The following RBM20 variants were observed in gnomAD, a reference collection of about 807,000 sequenced individuals.
RBM20 encodes the protein RNA binding motif protein 20.
A neutral mutation model predicts 110.1 loss-of-function variants in RBM20; 51 were observed. The ratio of observed to expected loss-of-function variants is 0.46; its 90% confidence interval spans 0.37 to 0.59. The LOEUF (loss-of-function observed/expected upper bound fraction) is 0.59, where lower values mean the gene tolerates loss of function less well. RBM20 is among the 20% of genes least tolerant of loss of function. The pLI, the probability that RBM20 is intolerant of heterozygous loss-of-function variation, is 0.00. For missense variants in RBM20, 1,512 were observed against 1,574.9 expected, an observed-to-expected ratio of 0.96 and a Z score of 0.68; for synonymous variants, 589 against 618.2, an observed-to-expected ratio of 0.95 and a Z score of 0.70.
At position 110,838,947 on chromosome 10, in the gene RBM20, A is replaced by G. The variant is rs1022384420; in HGVS notation, c.*2969A>G. ...CTATGTGTGCCACACACAATGCAGT[A>G]TTAATGGCAACCAGGTAAATATTGA... On this transcript the variant is annotated 3_prime_UTR_variant, in exon 14 of 14. Coordinates refer to ENST00000369519, the MANE Select transcript of RBM20 (RefSeq NM_001134363.3). 1 of 152,260 alleles carries G rather than the reference A, an allele frequency of 6.6e-6. No individual in the cohort carries two copies. The highest frequency in any genetic ancestry group is 2.4e-5 in the African/African-American group (1 of 41,464). The allele number at this position is 152,260 out of a possible 1,614,324, so 9.4% of individuals were successfully genotyped here.
intron 7 of RBM20, among the ~76,000 whole-genome samples, chr10:110,801,332 C>T (rs1844620418): frequency 6.6e-6 from 1 of 151,626 alleles, no homozygotes; most frequent in South Asian, 2.1e-4. Context: ...GAGGCTGAGG[C>T]AGGAGAATCG....
intron 1 of RBM20, among the ~76,000 whole-genome samples, chr10:110,711,723 C>T (rs564900740): frequency 6.6e-6 from 1 of 152,296 alleles, no homozygotes; most frequent in South Asian, 2.1e-4. Context: ...CAGTCTGATC[C>T]AGAAGAATTA....
At chr10:110,758,059 T>C in intron 1 of RBM20, among the ~76,000 whole-genome samples, 1 of 123,634 alleles carries the variant, frequency 8.1e-6, no homozygotes, top group East Asian at 2.9e-4. Flanking sequence ...TCACCTGTCA[T>C]CCAGGCTAGA....
chr10:110,724,582 CAAAG>C (rs1288430380), intron 1 of RBM20, among the ~76,000 whole-genome samples: 1 of 152,138 alleles, frequency 6.6e-6, no homozygotes, highest in Non-Finnish European at 1.5e-5. Context: ...CTTCTCCCCA[CAAAG>C]AGTCACCTTG....
intron 1 of RBM20, among the ~76,000 whole-genome samples, chr10:110,766,184 CG>C (rs1237314437): frequency 6.6e-6 from 1 of 152,128 alleles, no homozygotes; most frequent in African/African-American, 2.4e-5. Flanking sequence ...CTGCTTGGAT[CG>C]TAACCACAGG....
intron 1 of RBM20, among the ~76,000 whole-genome samples, chr10:110,732,728 C>T (rs908417776): frequency 6.6e-6 from 1 of 152,104 alleles, no homozygotes; most frequent in African/African-American, 2.4e-5. Context: ...CTTTCTCCTG[C>T]CCTGAGAAGA....
chr10:110,643,817 G>C (rs1297508860), upstream of RBM20, among the ~76,000 whole-genome samples: 1 of 152,172 alleles, frequency 6.6e-6, no homozygotes, highest in Admixed American at 6.5e-5. Flanking sequence ...CTCAGGGTCG[G>C]GTGCCTCAAG....
chr10:110,705,613 C>G (rs12357270), intron 1 of RBM20, among the ~76,000 whole-genome samples: 38,928 of 152,084 alleles, frequency 0.26, 6,145 homozygotes, highest in Middle Eastern at 0.4. Context: ...CAAGAGTTCT[C>G]CAAATAAATT....
intron 1 of RBM20, among the ~76,000 whole-genome samples, chr10:110,753,959 A>G (rs1843891546): frequency 6.6e-6 from 1 of 152,094 alleles, no homozygotes; most frequent in South Asian, 2.1e-4. Context: ...TTCTGACTGC[A>G]CTTAGGGCCC....
chr10:110,736,602 G>A (rs1440037276), intron 1 of RBM20, among the ~76,000 whole-genome samples: 1 of 152,194 alleles, frequency 6.6e-6, no homozygotes, highest in African/African-American at 2.4e-5. Context: ...GCAGGTGTCC[G>A]TGTGTGCTGG....
At chr10:110,819,306 G>C (rs1219271444) in intron 9 of RBM20, among the ~76,000 whole-genome samples, 1 of 152,206 alleles carries the variant, frequency 6.6e-6, no homozygotes, top group Non-Finnish European at 1.5e-5. Flanking sequence ...TTTTATGTAG[G>C]CACTTCTATA....
intron 1 of RBM20, among the ~76,000 whole-genome samples, chr10:110,706,541 C>T (rs1323100877): frequency 1.3e-5 from 2 of 152,216 alleles, no homozygotes; most frequent in African/African-American, 2.4e-5. Context: ...CTACATTGAA[C>T]TCCAAAGGAA....
intron 1 of RBM20, among the ~76,000 whole-genome samples, chr10:110,674,533 G>T (rs182942423): frequency 3.2e-4 from 49 of 152,316 alleles, no homozygotes; most frequent in Admixed American, 2.9e-3. Flanking sequence ...TCGTGACCAC[G>T]CAAGCTCAAT....
chr10:110,730,543 C>T (rs181052472), intron 1 of RBM20, among the ~76,000 whole-genome samples: 40 of 152,334 alleles, frequency 2.6e-4, no homozygotes, highest in African/African-American at 8.9e-4. Flanking sequence ...GTGGGGTTCT[C>T]GTCCTGGCTG....
intron 1 of RBM20, among the ~76,000 whole-genome samples, chr10:110,749,066 G>C (rs1345367969): frequency 6.6e-6 from 1 of 152,194 alleles, no homozygotes; most frequent in Non-Finnish European, 1.5e-5. Context: ...CATGCTTGCT[G>C]GGAAAACCTT....
Position 110,821,620 on chromosome 10 carries a change from G to C in RBM20, c.3001G>C (p.Gly1001Arg). 1 of 1,551,616 alleles carries C rather than the reference G, an allele frequency of 6.4e-7. No individual in the cohort carries two copies. The highest frequency in any genetic ancestry group is 8.7e-7 in the Non-Finnish European group (1 of 1,146,840). ...CPSDMDVEMP[G>R]LNLDAERKPA... The stretch of plus-strand genomic sequence containing the variant: ...CAGTGACATGGACGTGGAAATGCCT[G>C]GCCTAAATCTGGATGCTGAGCGGAA... Residue 1001 changes from glycine (G) to arginine (R), a missense_variant, in exon 11 of 14, where the codon GGC (glycine) becomes CGC (arginine). Transcript: ENST00000369519.
At chr10:110,829,000 G>A (rs968660704) in intron 12 of RBM20, among the ~76,000 whole-genome samples, 4 of 152,040 alleles carry the variant, frequency 2.6e-5, no homozygotes, top group African/African-American at 7.2e-5. Context: ...ACCCCTTCTG[G>A]GGATCCCAGG....
At chr10:110,728,619 GTTA>G (rs1256288328) in intron 1 of RBM20, among the ~76,000 whole-genome samples, 1 of 152,134 alleles carries the variant, frequency 6.6e-6, no homozygotes, top group Admixed American at 6.5e-5. Flanking sequence ...CCTACTTGAA[GTTA>G]TTATCAGGGT....
Position 110,830,967 on chromosome 10 carries a change from G to A in RBM20, c.3452-94G>A, listed in dbSNP as rs1228489636. 19 of 1,270,622 alleles carry A rather than the reference G, an allele frequency of 1.5e-5. No homozygotes were observed. In the East Asian group the frequency reaches 2.1e-4, roughly 14 times the overall value. The allele number at this position is 1,270,622 out of a possible 1,614,324, so 78.7% of individuals were successfully genotyped here. A position where few individuals can be genotyped will look rare whatever the true frequency, so the allele number is the denominator to read the frequency against. On this transcript the variant is annotated intron_variant, in intron 12 of 13. Coordinates refer to ENST00000369519, the MANE Select transcript of RBM20 (RefSeq NM_001134363.3). The stretch of plus-strand genomic sequence containing the variant: ...CAACAGCAAGTGAGGGGTGGAGCTC[G>A]TGGCTCCCATTTCTACCTGATGGCT...
Sources: allele counts gnomAD v4.1 joint callset (sites outside exome capture counted in the v4.1 genomes callset), GRCh38; gene constraint gnomAD v4.1.1; transcripts MANE v1.5; gene names NCBI Gene and HGNC (gene_info 2026-07-23, HGNC 2026-07-21).